The following DGCR2 variants were observed in gnomAD, a reference collection of about 807,000 sequenced individuals.
The protein encoded by DGCR2 is integral membrane protein DGCR2/IDD.
DGCR2 carries 24 observed loss-of-function variants against 51.6 expected under a neutral mutation model. The observed-to-expected ratio is 0.47, with a 90% confidence interval of 0.34 to 0.65. The LOEUF is 0.65. DGCR2 is among the 30% of genes least tolerant of loss of function. The pLI is 0.01. For missense variants in DGCR2, 765 were observed against 772.1 expected, an observed-to-expected ratio of 0.99 and a Z score of 0.11; for synonymous variants, 340 against 315.4, an observed-to-expected ratio of 1.08 and a Z score of -0.82.
At chr22:19,095,388 G>A (rs1399208187) in intron 1 of DGCR2, among the ~76,000 whole-genome samples, 2 of 151,964 alleles carry the variant, frequency 1.3e-5, no homozygotes, top group Non-Finnish European at 2.9e-5. Flanking sequence ...TTGGCCAGGC[G>A]CGGTGGCTCA....
At chr22:19,063,038 G>A (rs928786651) in intron 5 of DGCR2, among the ~76,000 whole-genome samples, 164 bp downstream of exon 5, 11 of 152,126 alleles carry the variant, frequency 7.2e-5, no homozygotes, top group Non-Finnish European at 1.0e-4. Flanking sequence ...TCTGCAGGCT[G>A]CACTGGCCCC....
chr22:19,073,619 C>T (rs2082840717), intron 2 of DGCR2, among the ~76,000 whole-genome samples: 1 of 152,290 alleles, frequency 6.6e-6, no homozygotes, highest in South Asian at 2.1e-4. Flanking sequence ...AAAATTATGT[C>T]ACCAGCAACA....
Position 19,119,202 on chromosome 22 carries a change from G to C in DGCR2, c.79+2926C>G, listed in dbSNP as rs770548053. On this transcript the variant is annotated intron_variant, in intron 1 of 9. Transcript: ENST00000263196. ...ATGAGGTACTCCTGTGGCTGGGCTG[G>C]AGACACACAGTTGGAGTGCACAGAC... Among the ~76,000 whole-genome samples the C allele has an allele frequency of 4.2e-4, 64 of 152,286 alleles. 1 individual carries two copies. Among genetic ancestry groups the C allele is most frequent in the Non-Finnish European group, 7.8e-4 (53 of 68,012 alleles).
intron 2 of DGCR2, among the ~76,000 whole-genome samples, chr22:19,084,188 G>A (rs1235594482): frequency 6.6e-6 from 1 of 151,934 alleles, no homozygotes; most frequent in Non-Finnish European, 1.5e-5. Flanking sequence ...CCCGTCATCT[G>A]GGATGTGAGG....
At position 19,117,535 on chromosome 22, in the gene DGCR2, A is replaced by G. The variant is rs149774120; in HGVS notation, c.79+4593T>C. 1.4e-3 allele frequency among the ~76,000 whole-genome samples: 207 copies of G among 152,344 alleles called. 1 individual carries two copies. The highest frequency in any genetic ancestry group is 4.8e-3 in the African/African-American group (199 of 41,576). On this transcript the variant is annotated intron_variant, in intron 1 of 9. Transcript: ENST00000263196. Reference sequence around the variant, plus strand: ...GCCTCTACTCTCTGCAATGGTTAACATGTACAAGGATAAACGGCCATGGCG... The same window carrying G: ...GCCTCTACTCTCTGCAATGGTTAACGTGTACAAGGATAAACGGCCATGGCG...
chr22:19,108,037 G>A (rs1039062014), intron 1 of DGCR2, among the ~76,000 whole-genome samples: 6 of 152,116 alleles, frequency 3.9e-5, no homozygotes, highest in African/African-American at 1.2e-4. Flanking sequence ...CATGAACACC[G>A]CCGTGTACCT....
chr22:19,062,791 T>TCC (rs1189317214), intron 5 of DGCR2, among the ~76,000 whole-genome samples: 1 of 146,910 alleles, frequency 6.8e-6, no homozygotes, highest in Non-Finnish European at 1.5e-5. Context: ...TCTCTCTCTC[T>TCC]CTCTCTCTCT....
intron 2 of DGCR2, among the ~76,000 whole-genome samples, chr22:19,074,044 A>T (rs548473771): frequency 1.3e-5 from 2 of 152,326 alleles, no homozygotes; most frequent in East Asian, 3.9e-4. Context: ...GACATCAGGA[A>T]AGAGACTTCT....
intron 6 of DGCR2, chr22:19,056,200 A>C (rs1280031703): frequency 6.3e-6 from 1 of 157,558 alleles, no homozygotes; most frequent in African/African-American, 2.4e-5. Flanking sequence ...CTGTAGTCCC[A>C]GCTACTCAGG....
chr22:19,046,766 G>A (rs1569039142), intron 7 of DGCR2: 2 of 446,786 alleles, frequency 4.5e-6, no homozygotes, highest in Middle Eastern at 7.3e-4. Context: ...TGGCCGTGCA[G>A]GAGAGAGGGC....
chr22:19,122,010 C>G, intron 1 of DGCR2, 118 bp downstream of exon 1: 1 of 625,782 alleles, frequency 1.6e-6, no homozygotes, highest in African/African-American at 2.0e-5. Flanking sequence ...CAGGCCCCGC[C>G]CGCCCCTGCC....
intron 1 of DGCR2, among the ~76,000 whole-genome samples, chr22:19,104,696 G>A (rs977645767): frequency 6.6e-6 from 1 of 152,208 alleles, no homozygotes; most frequent in African/African-American, 2.4e-5. Flanking sequence ...ATGCCCTGCT[G>A]GAGTGCCCAG....
intron 1 of DGCR2, 60 bp downstream of exon 1, chr22:19,122,068 G>T: frequency 7.7e-7 from 1 of 1,304,078 alleles, no homozygotes; most frequent in South Asian, 1.7e-5. Flanking sequence ...AGGAGGTCCC[G>T]GGGCGACCCC....
At chr22:19,079,663 A>C (rs577094593) in intron 2 of DGCR2, among the ~76,000 whole-genome samples, 3 of 152,346 alleles carry the variant, frequency 2.0e-5, no homozygotes, top group African/African-American at 7.2e-5. Context: ...CAACAACCCC[A>C]AGTGACAGGC....
chr22:19,095,362 C>T (rs1414503856), intron 1 of DGCR2, among the ~76,000 whole-genome samples: 2 of 150,594 alleles, frequency 1.3e-5, no homozygotes, highest in African/African-American at 4.9e-5. Context: ...AATTCTGTCT[C>T]AAAAAAACAA....
chr22:19,045,298 A>T (rs2082476812), intron 7 of DGCR2: 1 of 152,260 alleles, frequency 6.6e-6, no homozygotes, highest in African/African-American at 2.4e-5. Flanking sequence ...GATTGTTCAC[A>T]GTCAGTAACA....
At chr22:19,073,546 G>A (rs567234130) in intron 2 of DGCR2, among the ~76,000 whole-genome samples, 1 of 152,184 alleles carries the variant, frequency 6.6e-6, no homozygotes, top group Non-Finnish European at 1.5e-5. Flanking sequence ...TGAGGAGGCA[G>A]TGCAATGGTT....
In DGCR2 at chr22:19,048,793, G is replaced by A; in HGVS notation, c.803-150C>T. ...AGAATGGGAAGGAGGCAGCTGGAGG[G>A]GGCATGTGAGACATGCCCACTAGAG... On this transcript the variant is annotated intron_variant, in intron 6 of 9. Transcript: ENST00000263196. 9.4e-6 allele frequency: 7 copies of A among 746,448 alleles called. No homozygotes were observed. In the South Asian group the frequency reaches 9.9e-5, roughly 11 times the overall value. 46.2% of individuals were successfully genotyped at this position (746,448 alleles called of 1,614,324 possible). A position where few individuals can be genotyped will look rare whatever the true frequency, so the allele number is the denominator to read the frequency against.
chr22:19,085,425 A>G (rs2083004100), intron 2 of DGCR2, among the ~76,000 whole-genome samples: 1 of 152,180 alleles, frequency 6.6e-6, no homozygotes, highest in African/African-American at 2.4e-5. Flanking sequence ...TCAAAAATCT[A>G]AGCCCATGCA....
Sources: allele counts gnomAD v4.1 joint callset (sites outside exome capture counted in the v4.1 genomes callset), GRCh38; gene constraint gnomAD v4.1.1; transcripts MANE v1.5; gene names NCBI Gene and HGNC (gene_info 2026-07-23, HGNC 2026-07-21).